DOCK2: variants seen among roughly 807,000 people sequenced by gnomAD.
The protein encoded by DOCK2 is dedicator of cytokinesis 2.
DOCK2 carries 87 observed loss-of-function variants against 248.9 expected under a neutral mutation model. The observed-to-expected ratio is 0.35, with a 90% CI of 0.29 to 0.42. The LOEUF (loss-of-function observed/expected upper bound fraction) is 0.42. Among genes scored for constraint, DOCK2 ranks in the 10% least tolerant of loss-of-function variants. The pLI, the probability that DOCK2 is intolerant of heterozygous loss-of-function variation, is 1.00. For synonymous variants in DOCK2, 805 were observed against 821.6 expected, an observed-to-expected ratio of 0.98 and a Z score of 0.35; for missense variants, 1,747 against 2,300.2, an observed-to-expected ratio of 0.76 and a Z score of 4.92.
chr5:170,038,386 C>A (rs1756393837), intron 36 of DOCK2, among the ~76,000 whole-genome samples: 2 of 152,182 alleles, frequency 1.3e-5, no homozygotes, highest in South Asian at 4.1e-4. Flanking sequence ...AACCAGACTG[C>A]AAACAGGGTA....
In DOCK2 at chr5:170,034,599, G is replaced by A. The variant is rs201910773; in HGVS notation, c.3624+44G>A. On this transcript the variant is annotated intron_variant, in intron 35 of 51. Transcript: ENST00000520908. ...TCCAAGTCAGACCAGAACCCTGTGG[G>A]GGGGCTTGGGCTTGGCTTTGGGTCT... The A allele has an allele frequency of 2.6e-4, 411 of 1,608,036 alleles. 6 individuals carry two copies. In the South Asian group the frequency reaches 4.3e-3, roughly 17 times the overall value.
chr5:169,785,489 T>G (rs1765937954), intron 25 of DOCK2, among the ~76,000 whole-genome samples: 2 of 152,214 alleles, frequency 1.3e-5, no homozygotes, highest in Non-Finnish European at 2.9e-5. Context: ...TTAAAGTTAT[T>G]CATTAAAATG....
intron 2 of DOCK2, among the ~76,000 whole-genome samples, chr5:169,665,801 G>A (rs927248628): frequency 2.6e-5 from 4 of 152,124 alleles, no homozygotes; most frequent in Non-Finnish European, 4.4e-5. Flanking sequence ...GCATAGGGAG[G>A]ACTGGATCTC....
intron 32 of DOCK2, among the ~76,000 whole-genome samples, chr5:170,016,762 C>T (rs996979025): frequency 3.3e-5 from 5 of 152,196 alleles, no homozygotes; most frequent in Non-Finnish European, 7.4e-5. Context: ...TGACAGTTTC[C>T]CATTTACCTT....
At chr5:169,985,130 C>G (rs1260148807) in intron 28 of DOCK2, among the ~76,000 whole-genome samples, 1 of 152,156 alleles carries the variant, frequency 6.6e-6, no homozygotes, top group African/African-American at 2.4e-5. Flanking sequence ...GTCTCAATCT[C>G]TTGACCTCAT....
At chr5:170,052,617 T>C (rs1351054130) in intron 41 of DOCK2, among the ~76,000 whole-genome samples, 2 of 152,220 alleles carry the variant, frequency 1.3e-5, no homozygotes, top group East Asian at 1.9e-4. Context: ...TTGCCTAAGG[T>C]TACAAAGCTA....
At chr5:169,904,518 G>A (rs1774159233) in intron 27 of DOCK2, among the ~76,000 whole-genome samples, 1 of 152,076 alleles carries the variant, frequency 6.6e-6, no homozygotes, top group African/African-American at 2.4e-5. Flanking sequence ...GCCTGAGGGA[G>A]TGAGGTGGGA....
At chr5:169,666,934 A>G (rs752877539) in intron 2 of DOCK2, among the ~76,000 whole-genome samples, 3 of 152,248 alleles carry the variant, frequency 2.0e-5, no homozygotes, top group African/African-American at 7.2e-5. Context: ...CCTGGGAGCC[A>G]GAATAAGAAT....
At position 169,689,342 on chromosome 5, in the gene DOCK2, G is replaced by A. The variant is rs1432136633; in HGVS notation, c.843+9G>A. On this transcript the variant is annotated intron_variant, in intron 9 of 51. Coordinates refer to ENST00000520908, the MANE Select transcript of DOCK2 (RefSeq NM_004946.3). ...TGAAGGTGGTCTTCACGGTGAGTGTGCACCCTCTTCTCGTTACCGTGCTCC... is the reference window on the plus strand; with the variant it reads ...TGAAGGTGGTCTTCACGGTGAGTGTACACCCTCTTCTCGTTACCGTGCTCC... The A allele has an allele frequency of 6.2e-7, 1 of 1,613,812 alleles. No homozygotes were observed.
chr5:169,875,269 C>G (rs1274332582), intron 27 of DOCK2: 2 of 456,610 alleles, frequency 4.4e-6, no homozygotes, highest in Non-Finnish European at 8.8e-6. Flanking sequence ...ACCCCACACT[C>G]TCTGATTCAG....
intron 28 of DOCK2, 86 bp downstream of exon 28, chr5:169,983,252 C>A: frequency 7.3e-7 from 1 of 1,373,170 alleles, no homozygotes; most frequent in South Asian, 1.2e-5. Context: ...ACCTGCCTGT[C>A]TATCACATAA....
intron 27 of DOCK2, among the ~76,000 whole-genome samples, chr5:169,937,026 G>GTATT (rs1776029984): frequency 6.6e-6 from 1 of 152,196 alleles, no homozygotes. Context: ...GAGAGGCTGG[G>GTATT]TATTTGGTGA....
At chr5:169,737,006 G>A (rs1006933044) in intron 22 of DOCK2, among the ~76,000 whole-genome samples, 3 of 152,150 alleles carry the variant, frequency 2.0e-5, no homozygotes, top group Non-Finnish European at 2.9e-5. Context: ...TTTTAGTGTA[G>A]TTGAGAAGAG....
chr5:169,702,512 C>T, intron 14 of DOCK2, 85 bp downstream of exon 14: 2 of 1,571,362 alleles, frequency 1.3e-6, no homozygotes, highest in Non-Finnish European at 1.7e-6. Flanking sequence ...CTCCCTGATT[C>T]TGTTGTCTAA....
At chr5:170,011,744 AACAAG>A (rs1197587139) in intron 32 of DOCK2, among the ~76,000 whole-genome samples, 1 of 152,228 alleles carries the variant, frequency 6.6e-6, no homozygotes, top group African/African-American at 2.4e-5. Context: ...TTAAAAACAA[AACAAG>A]ACAAAAAAGA....
chr5:170,032,133 TCTC>T (rs1407547402), intron 34 of DOCK2, among the ~76,000 whole-genome samples: 2 of 151,998 alleles, frequency 1.3e-5, no homozygotes, highest in Admixed American at 6.6e-5. Context: ...TTCACACCAT[TCTC>T]CTGCCTCAGC....
chr5:169,997,063 G>C (rs968026124), intron 30 of DOCK2, among the ~76,000 whole-genome samples: 1 of 151,916 alleles, frequency 6.6e-6, no homozygotes, highest in Non-Finnish European at 1.5e-5. Flanking sequence ...TCATTTGTGG[G>C]TGTTTCTCGA....
At chr5:169,677,796 G>A (rs538339112) in intron 6 of DOCK2, among the ~76,000 whole-genome samples, 211 of 152,304 alleles carry the variant, frequency 1.4e-3, no homozygotes, top group African/African-American at 4.7e-3. Context: ...CTTTATTTCC[G>A]AAGCCAGCCA....
At chr5:169,823,491 A>G (rs568496116) in intron 26 of DOCK2, among the ~76,000 whole-genome samples, 4 of 152,346 alleles carry the variant, frequency 2.6e-5, no homozygotes, top group South Asian at 2.1e-4. Flanking sequence ...AATGTAATCC[A>G]GCATATAAAC....
Sources: allele counts gnomAD v4.1 joint callset (sites outside exome capture counted in the v4.1 genomes callset), GRCh38; gene constraint gnomAD v4.1.1; transcripts MANE v1.5; gene names NCBI Gene and HGNC (gene_info 2026-07-23, HGNC 2026-07-21).